The following FSTL1 variants were observed in gnomAD, a reference collection of about 807,000 sequenced individuals.
FSTL1 encodes follistatin-related protein 1.
In FSTL1, 24 loss-of-function variants were observed where a neutral mutation model predicts 45.9. The observed-to-expected ratio is 0.52, with a 90% CI of 0.38 to 0.74. The LOEUF is 0.74. FSTL1 is among the 30% of genes least tolerant of loss of function. The pLI is 0.00. For missense variants in FSTL1, 340 were observed against 381.8 expected (o/e 0.89, Z 0.91); for synonymous variants, 120 against 137.6 (o/e 0.87, Z 0.89).
At chr3:120,403,913 T>C (rs1338327320) in intron 7 of FSTL1, among the ~76,000 whole-genome samples, 1 of 93,222 alleles carries the variant, frequency 1.1e-5, no homozygotes, top group African/African-American at 4.3e-5. Flanking sequence ...AGAGCGAGAC[T>C]CCGTCTCAAA....
At position 120,427,922 on chromosome 3, in the gene FSTL1, T is replaced by C. The variant is rs537365297; in HGVS notation, c.64-11895A>G. On this transcript the variant is annotated intron_variant, in intron 2 of 10. Transcript: ENST00000295633. ...GGCAGCCAAAGAGCTGCCTGATACCTTGGGGGCCTATACTAGGGGGAAGTA... is the reference window on the plus strand; with the variant it reads ...GGCAGCCAAAGAGCTGCCTGATACCCTGGGGGCCTATACTAGGGGGAAGTA... Among the ~76,000 whole-genome samples, 3 of 152,238 alleles carry C rather than the reference T, an allele frequency of 2.0e-5. No individual in the cohort carries two copies. In the East Asian group the frequency reaches 5.8e-4, roughly 29 times the overall value.
intron 2 of FSTL1, among the ~76,000 whole-genome samples, chr3:120,443,897 A>T (rs1937681785): frequency 6.7e-6 from 1 of 150,036 alleles, no homozygotes; most frequent in African/African-American, 2.5e-5. Flanking sequence ...TTGTACTCCA[A>T]CTACCCAAAG....
chr3:120,397,809 G>A (rs938930563), intron 10 of FSTL1, among the ~76,000 whole-genome samples: 1 of 152,188 alleles, frequency 6.6e-6, no homozygotes, highest in Admixed American at 6.5e-5. Flanking sequence ...GTGCGAAAAT[G>A]TTCCTAACAG....
chr3:120,449,357 T>C (rs1357730207), intron 2 of FSTL1, among the ~76,000 whole-genome samples: 1 of 152,178 alleles, frequency 6.6e-6, no homozygotes, highest in African/African-American at 2.4e-5. Flanking sequence ...ACTTGGTAAA[T>C]GTTAAACCAT....
chr3:120,403,168 C>T (rs2107650327), intron 8 of FSTL1, 74 bp downstream of exon 8: 2 of 878,456 alleles, frequency 2.3e-6, no homozygotes, highest in South Asian at 2.7e-5. Flanking sequence ...GAGAGTTCCA[C>T]CAATCCTCTC....
chr3:120,436,573 TA>T (rs1459696695), intron 2 of FSTL1, among the ~76,000 whole-genome samples: 1 of 152,090 alleles, frequency 6.6e-6, no homozygotes, highest in Admixed American at 6.5e-5. Context: ...AATAAATAGC[TA>T]AACCAGAAAA....
intron 9 of FSTL1, among the ~76,000 whole-genome samples, chr3:120,401,823 T>G (rs1240074586): frequency 6.6e-6 from 1 of 152,180 alleles, no homozygotes; most frequent in African/African-American, 2.4e-5. Flanking sequence ...CTTCCCACTT[T>G]GGCCTCCCCA....
Position 120,425,316 on chromosome 3 carries a change from G to A in FSTL1, c.64-9289C>T, listed in dbSNP as rs150681009. The stretch of plus-strand genomic sequence containing the variant: ...TAGAGAGCTCCCAGAAATGGATGAT[G>A]AATGCCATGTAAGAGAAATCATTTG... On this transcript the variant is annotated intron_variant, in intron 2 of 10. Transcript: ENST00000295633. 3.3e-5 allele frequency among the ~76,000 whole-genome samples: 5 copies of A among 150,588 alleles called. No individual in the cohort carries two copies. In the East Asian group the frequency reaches 9.8e-4, roughly 29 times the overall value.
intron 2 of FSTL1, among the ~76,000 whole-genome samples, chr3:120,436,093 G>A (rs1219088037): frequency 2.9e-5 from 4 of 140,340 alleles, no homozygotes; most frequent in Admixed American, 7.2e-5. Flanking sequence ...AATAGGACAC[G>A]TAATAAACAA....
At chr3:120,402,303 T>C (rs1936842042) in intron 9 of FSTL1, among the ~76,000 whole-genome samples, 1 of 152,188 alleles carries the variant, frequency 6.6e-6, no homozygotes, top group South Asian at 2.1e-4. Context: ...TCTTTTACCA[T>C]TTCCTAAGGT....
intron 2 of FSTL1, among the ~76,000 whole-genome samples, chr3:120,442,931 T>C (rs1262645205): frequency 2.0e-5 from 2 of 99,424 alleles, no homozygotes; most frequent in African/African-American, 9.8e-5. Flanking sequence ...CATCACACTC[T>C]GGGGACTGTT....
chr3:120,402,096 C>T (rs1206423996), intron 9 of FSTL1, among the ~76,000 whole-genome samples: 1 of 152,136 alleles, frequency 6.6e-6, no homozygotes, highest in Non-Finnish European at 1.5e-5. Flanking sequence ...TCCAACATAC[C>T]CTGTAGCCTC....
chr3:120,443,274 G>A (rs1937663568), intron 2 of FSTL1, among the ~76,000 whole-genome samples: 1 of 149,216 alleles, frequency 6.7e-6, no homozygotes, highest in Non-Finnish European at 1.5e-5. Context: ...GCCAAGAGGT[G>A]AGGAAGGGGA....
Position 120,395,323 on chromosome 3 carries a change from G to C in FSTL1, c.*1629C>G. 4 of 246,080 alleles carry C rather than the reference G, an allele frequency of 1.6e-5. No individual in the cohort carries two copies. The South Asian group carries it at 1.9e-4, about 12-fold the overall frequency. 15.2% of individuals were successfully genotyped at this position (246,080 alleles called of 1,614,324 possible). ...CCAAATGCATCTGAAACAGGGTAGT[G>C]AGTGGGGTTAATAATCACAGAAGTC... On this transcript the variant is annotated 3_prime_UTR_variant, in exon 11 of 11. Coordinates refer to ENST00000295633, the MANE Select transcript of FSTL1 (RefSeq NM_007085.5).
Position 120,395,019 on chromosome 3 carries a change from G to A in FSTL1, c.*1933C>T, listed in dbSNP as rs1182880719. ...CTTTGATTAAGGCGTGCTGCTGTGA[G>A]TTCTCCAAGGCACTTGGACAGGGAG... On this transcript the variant is annotated 3_prime_UTR_variant, in exon 11 of 11. Coordinates refer to ENST00000295633, the MANE Select transcript of FSTL1 (RefSeq NM_007085.5). 1 of 152,642 alleles carries A rather than the reference G, an allele frequency of 6.6e-6. No homozygotes were observed. The highest frequency in any genetic ancestry group is 1.5e-5 in the Non-Finnish European group (1 of 68,408). 9.5% of individuals were successfully genotyped at this position (152,642 alleles called of 1,614,324 possible).
At chr3:120,443,874 T>C (rs1437119067) in intron 2 of FSTL1, among the ~76,000 whole-genome samples, 5 of 149,912 alleles carry the variant, frequency 3.3e-5, no homozygotes, top group Non-Finnish European at 2.9e-5. Flanking sequence ...AATGAAGATT[T>C]ATGGGAATTA....
At chr3:120,447,319 G>C (rs772430209) in intron 2 of FSTL1, among the ~76,000 whole-genome samples, 4 of 152,182 alleles carry the variant, frequency 2.6e-5, no homozygotes, top group Non-Finnish European at 5.9e-5. Flanking sequence ...ATCTAGAAAA[G>C]GGATATCTGT....
At chr3:120,410,773 C>T (rs750874272) in intron 5 of FSTL1, 179 bp downstream of exon 5, 49 of 707,908 alleles carry the variant, frequency 6.9e-5, no homozygotes, top group Admixed American at 1.6e-4. Flanking sequence ...TTGGCAAACA[C>T]ATACACAAAT....
Position 120,403,447 on chromosome 3 carries a change from TCCACA to T in FSTL1, c.582-98_582-94del, listed in dbSNP as rs1560011221. 3 of 725,400 alleles carry T rather than the reference TCCACA, an allele frequency of 4.1e-6. No individual in the cohort carries two copies. The African/African-American group carries it at 5.3e-5, about 13-fold the overall frequency. 44.9% of individuals were successfully genotyped at this position (725,400 alleles called of 1,614,324 possible). A position where few individuals can be genotyped will look rare whatever the true frequency, so the allele number is the denominator to read the frequency against. ...ATCAGGACCACATACACCCAGGGCCTCCACAGGAGGCCAAGAAGATGACTGCTAAC... is the reference window on the plus strand; with the variant it reads ...ATCAGGACCACATACACCCAGGGCCTGGAGGCCAAGAAGATGACTGCTAAC... On this transcript the variant is annotated intron_variant, in intron 7 of 10. Coordinates refer to ENST00000295633, the MANE Select transcript of FSTL1 (RefSeq NM_007085.5).
Sources: gnomAD v4.1 joint callset for allele counts (sites outside exome capture counted in the v4.1 genomes callset) on GRCh38, gnomAD v4.1.1 for gene constraint, MANE v1.5 for transcripts, NCBI Gene and HGNC (gene_info 2026-07-23, HGNC 2026-07-21) for gene names.